DNAJC30: variants seen among roughly 807,000 people sequenced by gnomAD.
DNAJC30 encodes DnaJ heat shock protein family (Hsp40) member C30, also known as dnaJ homolog subfamily C member 30, mitochondrial.
In DNAJC30, 16 loss-of-function variants were observed where a neutral mutation model predicts 15.4. That is an observed-to-expected ratio of 1.04 (90% CI 0.70 to 1.58). DNAJC30 has a LOEUF of 1.58. Among genes scored for constraint, DNAJC30 ranks in the 40% most tolerant of loss-of-function variants. DNAJC30 has a pLI of 0.00. For synonymous variants in DNAJC30, 161 were observed against 140.2 expected (o/e 1.15, Z -1.05); for missense variants, 352 against 320.9 (o/e 1.10, Z -0.74).
At position 73,683,052 on chromosome 7, in the gene DNAJC30, G is replaced by C. The variant is rs1554611665; in HGVS notation, c.372C>G (p.Gly124=). ...LLSDEDLRGP[G]VRPSRTPAPD... is the part of the protein sequence containing the mutation. Reference sequence around the variant, plus strand: ...GTGCGGGCGTCCTGGAGGGCCGGACGCCAGGTCCGCGCAGGTCCTCGTCGC... The same window carrying C: ...GTGCGGGCGTCCTGGAGGGCCGGACCCCAGGTCCGCGCAGGTCCTCGTCGC... Residue 124 remains glycine, a synonymous_variant, in exon 1 of 1, where the codon GGC becomes GGG. Transcript: ENST00000395176. The C allele has an allele frequency of 6.3e-7, 1 of 1,594,946 alleles. No homozygotes were observed. Among genetic ancestry groups the C allele is most frequent in the Non-Finnish European group, 8.6e-7 (1 of 1,168,508 alleles).
rs1401778628 is a variant in DNAJC30, at chr7:73,681,460, G to A, written c.*1283C>T. ...GCCTTGTTTAAAAAATTAAGGAAGG[G>A]CCTGTGATAAGCACTGCAAGTTAAA... On this transcript the variant is annotated 3_prime_UTR_variant, in exon 1 of 1. Coordinates refer to ENST00000395176, the MANE Select transcript of DNAJC30 (RefSeq NM_032317.3). The A allele has an allele frequency of 5.9e-5, 9 of 152,256 alleles. No homozygotes were observed. The highest frequency in any genetic ancestry group is 5.9e-4 in the Admixed American group (9 of 15,276). 9.4% of individuals were successfully genotyped at this position (152,256 alleles called of 1,614,324 possible).
chr7:73,682,998 C>CGGCGGGGTACGCGGCGA lies in DNAJC30; in HGVS notation c.409_425dup (p.Pro143ArgfsTer46), dbSNP rs1797764235. ...AACCGTCGTGGGTCCGAGAGGTGGG[C>CGGCGGGGTACGCGGCGA]GGCGGGGTACGCGGCGAGCCGGGGT... On this transcript the variant is annotated frameshift_variant, in exon 1 of 1. Transcript: ENST00000395176. LOFTEE classifies it high-confidence loss of function. 3 of 1,592,694 alleles carry CGGCGGGGTACGCGGCGA rather than the reference C, an allele frequency of 1.9e-6. No individual in the cohort carries two copies. The highest frequency in any genetic ancestry group is 2.6e-6 in the Non-Finnish European group (3 of 1,167,406).
At position 73,681,451 on chromosome 7, in the gene DNAJC30, T is replaced by C. The variant is rs1363067513; in HGVS notation, c.*1292A>G. 2 of 152,132 alleles carry C rather than the reference T, an allele frequency of 1.3e-5. No individual in the cohort carries two copies. Among genetic ancestry groups the C allele is most frequent in the Non-Finnish European group, 2.9e-5 (2 of 68,058 alleles). 9.4% of individuals were successfully genotyped at this position (152,132 alleles called of 1,614,324 possible). A position where few individuals can be genotyped will look rare whatever the true frequency, so the allele number is the denominator to read the frequency against. On this transcript the variant is annotated 3_prime_UTR_variant, in exon 1 of 1. Coordinates refer to ENST00000395176, the MANE Select transcript of DNAJC30 (RefSeq NM_032317.3). ...CCTCAAGCAGCCTTGTTTAAAAAATTAAGGAAGGGCCTGTGATAAGCACTG... is the reference window on the plus strand; with the variant it reads ...CCTCAAGCAGCCTTGTTTAAAAAATCAAGGAAGGGCCTGTGATAAGCACTG...
At position 73,682,602 on chromosome 7, in the gene DNAJC30, C is replaced by A. The variant is rs1797742725; in HGVS notation, c.*141G>T. On this transcript the variant is annotated 3_prime_UTR_variant, in exon 1 of 1. Transcript: ENST00000395176. The stretch of plus-strand genomic sequence containing the variant: ...TGTGCAGGTCATCGGCTAAGCTGGG[C>A]GGGTCGGGGAGGGCAGGGGGAGTAC... 1.0e-5 allele frequency: 10 copies of A among 984,826 alleles called. No homozygotes were observed. Among genetic ancestry groups the A allele is most frequent in the South Asian group, 1.8e-5 (1 of 54,126 alleles). 61.0% of individuals were successfully genotyped at this position (984,826 alleles called of 1,614,324 possible). A position where few individuals can be genotyped will look rare whatever the true frequency, so the allele number is the denominator to read the frequency against.
Position 73,682,889 on chromosome 7 carries a change from C to T in DNAJC30, c.535G>A (p.Glu179Lys). The change falls in exon 1 of 1, where the codon GAA becomes AAA. Residue 179 changes from glutamate (E) to lysine (K), a missense_variant. Coordinates refer to ENST00000395176, the MANE Select transcript of DNAJC30 (RefSeq NM_032317.3). ...TCCCGCCGGGCCCTCAGGCGCCGTT[C>T]CCGCTCCAGTTGTTCCCCGTAGTGG... ...QAHYGEQLERERRLRARREAL... is the reference protein window; with the variant it reads ...QAHYGEQLERKRRLRARREAL... 1 of 1,614,096 alleles carries T rather than the reference C, an allele frequency of 6.2e-7. No individual in the cohort carries two copies. The highest frequency in any genetic ancestry group is 1.1e-5 in the South Asian group (1 of 91,086).
At position 73,683,447 on chromosome 7, in the gene DNAJC30, G is replaced by T; in HGVS notation, c.-24C>A. Reference sequence around the variant, plus strand: ...ATGTTGAATTGATTCGGCAGGCGGTGCAAGAGAAACCGGCCAATGAGAGGA... The same window carrying T: ...ATGTTGAATTGATTCGGCAGGCGGTTCAAGAGAAACCGGCCAATGAGAGGA... On this transcript the variant is annotated 5_prime_UTR_variant, in exon 1 of 1. Transcript: ENST00000395176. The T allele has an allele frequency of 6.2e-7, 1 of 1,608,438 alleles. No homozygotes were observed. The highest frequency in any genetic ancestry group is 1.1e-5 in the South Asian group (1 of 90,866).
In DNAJC30 at chr7:73,682,695, G is replaced by T; in HGVS notation, c.*48C>A. On this transcript the variant is annotated 3_prime_UTR_variant, in exon 1 of 1. Coordinates refer to ENST00000395176, the MANE Select transcript of DNAJC30 (RefSeq NM_032317.3). Reference sequence around the variant, plus strand: ...GGGTTCAGAGGCAGGAAAAAAGGCCGTTTCTGGGGGGTTGGCTGGGGACAC... The same window carrying T: ...GGGTTCAGAGGCAGGAAAAAAGGCCTTTTCTGGGGGGTTGGCTGGGGACAC... The T allele has an allele frequency of 6.5e-7, 1 of 1,545,866 alleles. No homozygotes were observed. Among genetic ancestry groups the T allele is most frequent in the Admixed American group, 2.0e-5 (1 of 49,500 alleles).
Position 73,683,333 on chromosome 7 carries a change from G to C in DNAJC30, c.91C>G (p.Leu31Val), listed in dbSNP as rs782371532. The change falls in exon 1 of 1, where the codon CTG becomes GTG. Residue 31 changes from leucine (L) to valine (V), a missense_variant. Transcript: ENST00000395176. ...RGFPQNSAPS[L>V]GLGARTYSQG... is the part of the protein sequence containing the mutation. The stretch of plus-strand genomic sequence containing the variant: ...GAATAAGTCCTCGCTCCTAGGCCCA[G>C]GCTGGGTGCAGAATTTTGTGGAAAG... 1 of 1,613,686 alleles carries C rather than the reference G, an allele frequency of 6.2e-7. No individual in the cohort carries two copies. Among genetic ancestry groups the C allele is most frequent in the Admixed American group, 1.7e-5 (1 of 60,028 alleles).
Position 73,682,857 on chromosome 7 carries a change from A to G in DNAJC30, c.567T>C (p.Leu189=). 2.5e-6 allele frequency: 4 copies of G among 1,614,068 alleles called. No individual in the cohort carries two copies. The highest frequency in any genetic ancestry group is 3.4e-6 in the Non-Finnish European group (4 of 1,180,042). ...TGGACCGATACTCCTGCCGTTTGCG[A>G]AGGGCCTCCCGCCGGGCCCTCAGGC... ...ERRLRARREA[L]RKRQEYRSMK... The change falls in exon 1 of 1, where the codon CTT becomes CTC. Residue 189 remains leucine (L), a synonymous_variant. Transcript: ENST00000395176.
Position 73,683,408 on chromosome 7 carries a change from AGC to A in DNAJC30, c.14_15del (p.Arg5LeufsTer47). On this transcript the variant is annotated frameshift_variant, in exon 1 of 1. Transcript: ENST00000395176. LOFTEE classifies it high-confidence loss of function. ...GGTAACAGCCGCTGCCACCATCGCC[AGC>A]GCATGGCTGCCATGTTGAATTGATT... MAAM[R>X]WRWWQRLLPW... The A allele has an allele frequency of 6.2e-7, 1 of 1,611,970 alleles. No homozygotes were observed. The highest frequency in any genetic ancestry group is 2.2e-5 in the East Asian group (1 of 44,854).
Position 73,683,035 on chromosome 7 carries a change from G to GTA in DNAJC30, c.388_389insTA (p.Thr130IlefsTer54). ...CGGCGAGCCGGGGTCGGGTGCGGGCGTCCTGGAGGGCCGGACGCCAGGTCC... is the reference window on the plus strand; with the variant it reads ...CGGCGAGCCGGGGTCGGGTGCGGGCGTATCCTGGAGGGCCGGACGCCAGGTCC... On this transcript the variant is annotated frameshift_variant, in exon 1 of 1. Coordinates refer to ENST00000395176, the MANE Select transcript of DNAJC30 (RefSeq NM_032317.3). LOFTEE classifies it high-confidence loss of function. 8 of 1,589,540 alleles carry GTA rather than the reference G, an allele frequency of 5.0e-6. No homozygotes were observed. Among genetic ancestry groups the GTA allele is most frequent in the Non-Finnish European group, 6.9e-6 (8 of 1,165,902 alleles).
rs1554611870 is a variant in DNAJC30, at chr7:73,683,397, C to T, written c.27G>A (p.Trp9Ter). ...GCAACCTCCAAGGTAACAGCCGCTG[C>T]CACCATCGCCAGCGCATGGCTGCCA... is the stretch of plus-strand genomic sequence containing the variant. MAAMRWRWWQRLLPWRLLQ... is the reference protein window; with the variant it reads MAAMRWRW The change falls in exon 1 of 1, where the codon TGG becomes TGA. Residue 9 changes from tryptophan to a stop codon, truncating the protein, a stop_gained. Transcript: ENST00000395176. LOFTEE classifies it high-confidence loss of function. The T allele has an allele frequency of 6.2e-7, 1 of 1,612,176 alleles. No homozygotes were observed. Among genetic ancestry groups the T allele is most frequent in the Non-Finnish European group, 8.5e-7 (1 of 1,179,350 alleles).
rs1797746300 is a variant in DNAJC30, at chr7:73,682,704, G to C, written c.*39C>G. ...GGCAGGAAAAAAGGCCGTTTCTGGG[G>C]GGTTGGCTGGGGACACTCCCCTTCC... On this transcript the variant is annotated 3_prime_UTR_variant, in exon 1 of 1. Coordinates refer to ENST00000395176, the MANE Select transcript of DNAJC30 (RefSeq NM_032317.3). 1.3e-6 allele frequency: 2 copies of C among 1,558,792 alleles called. No individual in the cohort carries two copies. The highest frequency in any genetic ancestry group is 1.7e-6 in the Non-Finnish European group (2 of 1,151,694).
Position 73,682,996 on chromosome 7 carries a change from GGCGGCGGGGTAC to G in DNAJC30, c.416_427del (p.Arg139_Pro142del). Reference sequence around the variant, plus strand: ...AGAACCGTCGTGGGTCCGAGAGGTGGGCGGCGGGGTACGCGGCGAGCCGGGGTCGGGTGCGGG... The same window carrying G: ...AGAACCGTCGTGGGTCCGAGAGGTGGGCGGCGAGCCGGGGTCGGGTGCGGG... On this transcript the variant is annotated inframe_deletion, in exon 1 of 1. Transcript: ENST00000395176. 6.3e-7 allele frequency: 1 copy of G among 1,595,834 alleles called. No individual in the cohort carries two copies. The highest frequency in any genetic ancestry group is 8.6e-7 in the Non-Finnish European group (1 of 1,168,872).
chr7:73,682,932 A>G lies in DNAJC30; in HGVS notation c.492T>C (p.Phe164=), dbSNP rs200043253. The G allele has an allele frequency of 2.4e-5, 39 of 1,613,770 alleles. No individual in the cohort carries two copies. The East Asian group carries it at 6.5e-4, about 27-fold the overall frequency. The change falls in exon 1 of 1, where the codon TTT becomes TTC. Residue 164 remains phenylalanine, a synonymous_variant. Transcript: ENST00000395176. The stretch of plus-strand genomic sequence containing the variant: ...CGTAGTGGGCCTGGTAGAAGGCGTC[A>G]AAGTTGAACATCGTGCGGTTGGCGC... The part of the protein sequence containing the change: ...SPGANRTMFN[F]DAFYQAHYGE...
rs1554611267 is a variant in DNAJC30 at position 73,681,556 on chromosome 7, A to G, written c.*1187T>C. 1 of 152,230 alleles carries G rather than the reference A, an allele frequency of 6.6e-6. No homozygotes were observed. The highest frequency in any genetic ancestry group is 6.5e-5 in the Admixed American group (1 of 15,282). 9.4% of individuals were successfully genotyped at this position (152,230 alleles called of 1,614,324 possible). A position where few individuals can be genotyped will look rare whatever the true frequency, so the allele number is the denominator to read the frequency against. ...GAGGGGATGGGCTGCACAGTGTGCA[A>G]TGGGGCTGGCTGGTAAAGGGAGGAC... On this transcript the variant is annotated 3_prime_UTR_variant, in exon 1 of 1. Coordinates refer to ENST00000395176, the MANE Select transcript of DNAJC30 (RefSeq NM_032317.3).
chr7:73,682,379 C>A lies in DNAJC30; in HGVS notation c.*364G>T, dbSNP rs1464171899. The A allele has an allele frequency of 1.1e-5, 2 of 189,394 alleles. No homozygotes were observed. The highest frequency in any genetic ancestry group is 4.7e-5 in the African/African-American group (2 of 42,828). 11.7% of individuals were successfully genotyped at this position (189,394 alleles called of 1,614,324 possible). ...ACATGCGGGGCAGGAGGAGATAAATCTTGCTTGGGGCTAAACAATAAAGCT... is the reference window on the plus strand; with the variant it reads ...ACATGCGGGGCAGGAGGAGATAAATATTGCTTGGGGCTAAACAATAAAGCT... On this transcript the variant is annotated 3_prime_UTR_variant, in exon 1 of 1. Transcript: ENST00000395176.
Position 73,681,961 on chromosome 7 carries a change from CAA to C in DNAJC30, c.*780_*781del, listed in dbSNP as rs879983563. On this transcript the variant is annotated 3_prime_UTR_variant, in exon 1 of 1. Coordinates refer to ENST00000395176, the MANE Select transcript of DNAJC30 (RefSeq NM_032317.3). Reference sequence around the variant, plus strand: ...AGAGCGCAAGACTCCATCTCAAAAACAAAACAAAACAAAAAACCCCCCAAAAA... The same window carrying C: ...AGAGCGCAAGACTCCATCTCAAAAACAACAAAACAAAAAACCCCCCAAAAA... 42 of 154,816 alleles carry C rather than the reference CAA, an allele frequency of 2.7e-4. No individual in the cohort carries two copies. The South Asian group carries it at 7.1e-3, about 26-fold the overall frequency. 9.6% of individuals were successfully genotyped at this position (154,816 alleles called of 1,614,324 possible). A position where few individuals can be genotyped will look rare whatever the true frequency, so the allele number is the denominator to read the frequency against.
Position 73,683,294 on chromosome 7 carries a change from A to G in DNAJC30, c.130T>C (p.Ser44Pro), listed in dbSNP as rs1797779154. 1 of 1,613,868 alleles carries G rather than the reference A, an allele frequency of 6.2e-7. No individual in the cohort carries two copies. The highest frequency in any genetic ancestry group is 1.7e-5 in the Admixed American group (1 of 60,016). ...GARTYSQGDC[S>P]YSRTALYDLL... is the part of the protein sequence containing the mutation. The stretch of plus-strand genomic sequence containing the variant: ...TCATACAGCGCCGTGCGCGAATACG[A>G]GCAGTCGCCCTGGGAATAAGTCCTC... Residue 44 changes from serine (S) to proline (P), a missense_variant, in exon 1 of 1, where the codon TCG (serine) becomes CCG (proline). Coordinates refer to ENST00000395176, the MANE Select transcript of DNAJC30 (RefSeq NM_032317.3).
Sources: allele counts gnomAD v4.1 joint callset, GRCh38; gene constraint gnomAD v4.1.1; transcripts MANE v1.5; gene names NCBI Gene and HGNC (gene_info 2026-07-23, HGNC 2026-07-21).